Variants in ZNF778 observed in about 807,000 individuals in gnomAD.
ZNF778 encodes zinc finger protein 778.
ZNF778 carries 37 observed loss-of-function variants against 23.9 expected under a neutral mutation model. The observed-to-expected ratio is 1.54, with a 90% CI of 1.19 to 2.03. ZNF778 has a LOEUF of 2.03. Ranked by LOEUF, ZNF778 falls within the 30% of genes most tolerant of loss-of-function variation. ZNF778 has a pLI of 0.00. For missense variants in ZNF778, 1,297 were observed against 934.4 expected (o/e 1.39, Z -5.06); for synonymous variants, 483 against 343.9 (o/e 1.40, Z -4.48).
intron 1 of ZNF778, chr16:89,218,213 A>T (rs967373297): frequency 1.3e-5 from 2 of 152,208 alleles, no homozygotes; most frequent in Non-Finnish European, 2.9e-5. Context: ...GTTTCGACTA[A>T]CTGTATTTTT....
chr16:89,228,178 A>T lies in ZNF778; in HGVS notation c.1890A>T (p.Ser630=). 6.2e-7 allele frequency: 1 copy of T among 1,613,452 alleles called. No homozygotes were observed. Among genetic ancestry groups the T allele is most frequent in the Non-Finnish European group, 8.5e-7 (1 of 1,179,574 alleles). Residue 630 remains serine (S), a synonymous_variant, in exon 7 of 7, where the codon TCA becomes TCT. Transcript: ENST00000433976. Reference sequence around the variant, plus strand: ...GCGGAAAGGCCTTCACCACATCCTCACACCTTATCGTGCACATAAGAACCC... The same window carrying T: ...GCGGAAAGGCCTTCACCACATCCTCTCACCTTATCGTGCACATAAGAACCC... ...KVCGKAFTTS[S]HLIVHIRTHT...
In ZNF778 at chr16:89,225,561, G is replaced by T. The variant is rs201662400; in HGVS notation, c.335G>T (p.Arg112Leu). The T allele has an allele frequency of 3.1e-5, 50 of 1,606,948 alleles. No homozygotes were observed. Among genetic ancestry groups the T allele is most frequent in the African/African-American group, 1.3e-5 (1 of 74,268 alleles). The change falls in exon 6 of 7, where the codon CGA (arginine) becomes CTA (leucine). Residue 112 changes from arginine to leucine, a missense_variant. By Grantham distance (102) the Arg-to-Leu change is moderately radical. Coordinates refer to ENST00000433976, the MANE Select transcript of ZNF778 (RefSeq NM_001201407.2). ...CATTCTTCTTTCTTTTCAGAATGGC[G>T]ACTTAAAACCAAAGGGCCAGCACTT... is the stretch of plus-strand genomic sequence containing the variant. ...AGRRAVLQEW[R>L]LKTKGPALRQ... is the part of the protein sequence containing the mutation.
chr16:89,232,581 C>T lies in ZNF778; in HGVS notation c.*4019C>T. 8.5e-7 allele frequency: 1 copy of T among 1,174,230 alleles called. No homozygotes were observed. Among genetic ancestry groups the T allele is most frequent in the Non-Finnish European group, 1.1e-6 (1 of 928,808 alleles). 72.7% of individuals were successfully genotyped at this position (1,174,230 alleles called of 1,614,324 possible). The stretch of plus-strand genomic sequence containing the variant: ...CCCTCCTGTGTGAAAATCTCCACTC[C>T]CAATGTCTGAGGGTTCCTCAGAGTA... On this transcript the variant is annotated 3_prime_UTR_variant, in exon 7 of 7. Transcript: ENST00000433976.
rs1320837792 is a variant in ZNF778 at position 89,228,572 on chromosome 16, T to A, written c.*10T>A. ...TGAGAAACCTTTCTAATGTAAAGAA[T>A]GTGGGGAAGCTGTCAGCTACACTCA... is the stretch of plus-strand genomic sequence containing the variant. On this transcript the variant is annotated 3_prime_UTR_variant, in exon 7 of 7. Transcript: ENST00000433976. The A allele has an allele frequency of 6.4e-7, 1 of 1,558,430 alleles. No homozygotes were observed. The highest frequency in any genetic ancestry group is 8.6e-7 in the Non-Finnish European group (1 of 1,157,458).
chr16:89,233,544 T>C lies in ZNF778; in HGVS notation c.*4982T>C, dbSNP rs556804840. The C allele has an allele frequency of 2.3e-5, 29 of 1,281,174 alleles. No homozygotes were observed. The South Asian group carries it at 3.1e-4, about 14-fold the overall frequency. The allele number at this position is 1,281,174 out of a possible 1,614,324, so 79.4% of individuals were successfully genotyped here. On this transcript the variant is annotated 3_prime_UTR_variant, in exon 7 of 7. Transcript: ENST00000433976. ...ACTCAACTCGCACTGCGTATGCAAATCAACTCACTGCATATGCAACTCAGC... is the reference window on the plus strand; with the variant it reads ...ACTCAACTCGCACTGCGTATGCAAACCAACTCACTGCATATGCAACTCAGC...
rs2031946156 is a variant in ZNF778 at position 89,231,887 on chromosome 16, C to T, written c.*3325C>T. On this transcript the variant is annotated 3_prime_UTR_variant, in exon 7 of 7. Transcript: ENST00000433976. Reference sequence around the variant, plus strand: ...AGAGCCTCTTCTTTACACATACTAACTGTTTGCTTCATACCCTCCTGCAGC... The same window carrying T: ...AGAGCCTCTTCTTTACACATACTAATTGTTTGCTTCATACCCTCCTGCAGC... 1 of 152,330 alleles carries T rather than the reference C, an allele frequency of 6.6e-6. No homozygotes were observed. The highest frequency in any genetic ancestry group is 1.5e-5 in the Non-Finnish European group (1 of 68,132). 9.4% of individuals were successfully genotyped at this position (152,330 alleles called of 1,614,324 possible). A position where few individuals can be genotyped will look rare whatever the true frequency, so the allele number is the denominator to read the frequency against.
rs59423520 is a variant in ZNF778 at position 89,228,991 on chromosome 16, C to T, written c.*429C>T. On this transcript the variant is annotated 3_prime_UTR_variant, in exon 7 of 7. Coordinates refer to ENST00000433976, the MANE Select transcript of ZNF778 (RefSeq NM_001201407.2). The stretch of plus-strand genomic sequence containing the variant: ...TTGTGAATGTATGGAAGATAGCAGT[C>T]GCTTCCCTGTGTTCTAAAACCTTGT... 22,520 of 993,912 alleles carry T rather than the reference C, an allele frequency of 0.023. 1,374 individuals are homozygous for T. The highest frequency in any genetic ancestry group is 0.2 in the African/African-American group (11,731 of 57,380). 61.6% of individuals were successfully genotyped at this position (993,912 alleles called of 1,614,324 possible). A position where few individuals can be genotyped will look rare whatever the true frequency, so the allele number is the denominator to read the frequency against.
Position 89,227,325 on chromosome 16 carries a change from T to G in ZNF778, c.1037T>G (p.Phe346Cys), listed in dbSNP as rs750292037. The change falls in exon 7 of 7, where the codon TTC becomes TGC. Residue 346 changes from phenylalanine to cysteine, a missense_variant. Transcript: ENST00000433976. Reference protein sequence around the residue: ...PCECKECGKAFTGLSGLSKHV... With the variant: ...PCECKECGKACTGLSGLSKHV... ...GAATGTAAAGAATGCGGAAAAGCCT[T>G]CACTGGACTCTCAGGTCTTTCTAAA... 6.2e-7 allele frequency: 1 copy of G among 1,614,010 alleles called. No individual in the cohort carries two copies. The highest frequency in any genetic ancestry group is 8.5e-7 in the Non-Finnish European group (1 of 1,179,896).
At chr16:89,220,032 C>T (rs1382991123) in intron 1 of ZNF778, among the ~76,000 whole-genome samples, 1 of 152,202 alleles carries the variant, frequency 6.6e-6, no homozygotes, top group Non-Finnish European at 1.5e-5. Flanking sequence ...CAACCAGCCT[C>T]ATGTCAACAT....
Position 89,226,734 on chromosome 16 carries a change from A to G in ZNF778, c.446A>G (p.Gln149Arg), listed in dbSNP as rs2031503233. ...HNGGQLCDRT[Q>R]CGEAFSEHSG... ...GGAGGGCAGCTCTGTGACCGCACGCAGTGTGGAGAAGCTTTCAGTGAACAC... is the reference window on the plus strand; with the variant it reads ...GGAGGGCAGCTCTGTGACCGCACGCGGTGTGGAGAAGCTTTCAGTGAACAC... The change falls in exon 7 of 7, where the codon CAG (glutamine) becomes CGG (arginine). Residue 149 changes from glutamine to arginine, a missense_variant. Gln to Arg is a conservative substitution (Grantham distance 43, BLOSUM62 1). Coordinates refer to ENST00000433976, the MANE Select transcript of ZNF778 (RefSeq NM_001201407.2). 1.9e-6 allele frequency: 3 copies of G among 1,613,770 alleles called. No individual in the cohort carries two copies. The highest frequency in any genetic ancestry group is 2.5e-6 in the Non-Finnish European group (3 of 1,179,718).
rs990926653 is a variant in ZNF778, at chr16:89,233,731, C to T, written c.*5169C>T. ...AACTCACTGCGTATGCAACTCAACT[C>T]GCACTGCATATGCAACTCAACTCGC... On this transcript the variant is annotated 3_prime_UTR_variant, in exon 7 of 7. Transcript: ENST00000433976. 1.0e-4 allele frequency: 103 copies of T among 1,017,478 alleles called. 4 individuals are homozygous for T. The highest frequency in any genetic ancestry group is 1.2e-4 in the East Asian group (1 of 8,466). 63.0% of individuals were successfully genotyped at this position (1,017,478 alleles called of 1,614,324 possible). A position where few individuals can be genotyped will look rare whatever the true frequency, so the allele number is the denominator to read the frequency against.
chr16:89,223,125 GA>G lies in ZNF778; in HGVS notation c.118-30del, dbSNP rs548905370. 23 of 1,605,226 alleles carry G rather than the reference GA, an allele frequency of 1.4e-5. 1 individual carries two copies. In the South Asian group the frequency reaches 2.1e-4, roughly 15 times the overall value. On this transcript the variant is annotated intron_variant, in intron 3 of 6. Coordinates refer to ENST00000433976, the MANE Select transcript of ZNF778 (RefSeq NM_001201407.2). ...TCAGTGAATACCGATGGACACGTTGGAAGGCTCCAACCGTCATGTGTGATGA... is the reference window on the plus strand; with the variant it reads ...TCAGTGAATACCGATGGACACGTTGGAGGCTCCAACCGTCATGTGTGATGA...
chr16:89,228,334 C>T lies in ZNF778; in HGVS notation c.2046C>T (p.Phe682=), dbSNP rs1223463067. 8.1e-6 allele frequency: 13 copies of T among 1,613,646 alleles called. No homozygotes were observed. Among genetic ancestry groups the T allele is most frequent in the Admixed American group, 5.0e-5 (3 of 59,946 alleles). Reference sequence around the variant, plus strand: ...TATGTAACGAGTGTGGGAAAGCCTTCCGTGCCTCCTCTCACCTGCATAAAC... The same window carrying T: ...TATGTAACGAGTGTGGGAAAGCCTTTCGTGCCTCCTCTCACCTGCATAAAC... The part of the protein sequence containing the change: ...PYICNECGKA[F]RASSHLHKHG... Residue 682 remains phenylalanine, a synonymous_variant, in exon 7 of 7, where the codon TTC becomes TTT. Transcript: ENST00000433976.
chr16:89,222,722 T>C (rs917721340), intron 3 of ZNF778, among the ~76,000 whole-genome samples: 1 of 152,244 alleles, frequency 6.6e-6, no homozygotes, highest in Admixed American at 6.5e-5. Context: ...CTTTGCTTAG[T>C]GCTCTGACAC....
chr16:89,218,785 C>T (rs1013386790), intron 1 of ZNF778, among the ~76,000 whole-genome samples: 3 of 149,452 alleles, frequency 2.0e-5, no homozygotes, highest in Non-Finnish European at 3.0e-5. Context: ...AGCGAGACTC[C>T]GTCTCAAAAA....
chr16:89,218,830 G>A (rs1377652753), intron 1 of ZNF778, among the ~76,000 whole-genome samples: 3 of 150,632 alleles, frequency 2.0e-5, no homozygotes, highest in Non-Finnish European at 4.4e-5. Flanking sequence ...AAGGTCCGCT[G>A]GGCACAGTGG....
At position 89,233,633 on chromosome 16, in the gene ZNF778, C is replaced by T. The variant is rs1597372970; in HGVS notation, c.*5071C>T. 2 of 1,141,856 alleles carry T rather than the reference C, an allele frequency of 1.8e-6. No individual in the cohort carries two copies. The highest frequency in any genetic ancestry group is 2.8e-5 in the South Asian group (2 of 71,816). 70.7% of individuals were successfully genotyped at this position (1,141,856 alleles called of 1,614,324 possible). ...TATGCAACTCAACTCACACTGTATG[C>T]AACTCAGCTCGCTCTGCATATGCAA... On this transcript the variant is annotated 3_prime_UTR_variant, in exon 7 of 7. Transcript: ENST00000433976.
Position 89,233,869 on chromosome 16 carries a change from C to T in ZNF778, c.*5307C>T. 2 of 1,289,896 alleles carry T rather than the reference C, an allele frequency of 1.6e-6. No individual in the cohort carries two copies. Among genetic ancestry groups the T allele is most frequent in the Non-Finnish European group, 2.0e-6 (2 of 989,170 alleles). 79.9% of individuals were successfully genotyped at this position (1,289,896 alleles called of 1,614,324 possible). A position where few individuals can be genotyped will look rare whatever the true frequency, so the allele number is the denominator to read the frequency against. On this transcript the variant is annotated 3_prime_UTR_variant, in exon 7 of 7. Transcript: ENST00000433976. The stretch of plus-strand genomic sequence containing the variant: ...CCACTTCCTTTTTCTAACTACCACA[C>T]CAAGCCAGTATTTCTCCTCCCTGAA...
intron 4 of ZNF778, among the ~76,000 whole-genome samples, chr16:89,224,416 G>A (rs1031269295): frequency 2.0e-5 from 3 of 152,180 alleles, no homozygotes; most frequent in Admixed American, 6.5e-5. Context: ...TCAGGAGATT[G>A]AGACCATTCT....
Sources: gnomAD v4.1 joint callset for allele counts (sites outside exome capture counted in the v4.1 genomes callset) on GRCh38, gnomAD v4.1.1 for gene constraint, MANE v1.5 for transcripts, NCBI Gene and HGNC (gene_info 2026-07-23, HGNC 2026-07-21) for gene names.